FGD5: variants seen among roughly 807,000 people sequenced by gnomAD.
FGD5 encodes FYVE, RhoGEF and PH domain-containing protein 5.
Under a neutral mutation model 133.4 loss-of-function variants are expected in FGD5, and 28 were observed. That is an observed-to-expected ratio of 0.21 (90% CI 0.16 to 0.29). The LOEUF (loss-of-function observed/expected upper bound fraction) is 0.29. Ranked by LOEUF, FGD5 falls within the 10% of genes least tolerant of loss-of-function variation. The pLI is 1.00. For synonymous variants in FGD5, 810 were observed against 776.5 expected (o/e 1.04, Z -0.72); for missense variants, 1,858 against 1,895.2 (o/e 0.98, Z 0.36).
chr3:14,901,386 C>A (rs1203955421), intron 9 of FGD5, among the ~76,000 whole-genome samples: 1 of 152,248 alleles, frequency 6.6e-6, no homozygotes, highest in East Asian at 1.9e-4. Flanking sequence ...GTCAGAGCTT[C>A]TGCATGTAGG....
chr3:14,921,842 A>G, intron 13 of FGD5, 76 bp from the exon 14 acceptor site: 1 of 1,386,940 alleles, frequency 7.2e-7, no homozygotes, highest in Non-Finnish European at 1.0e-6. Flanking sequence ...TCTGAGTGAG[A>G]ACCTCATCCA....
intron 11 of FGD5, among the ~76,000 whole-genome samples, chr3:14,915,483 A>G (rs934519871): frequency 1.8e-4 from 28 of 152,334 alleles, no homozygotes; most frequent in African/African-American, 6.7e-4. Context: ...CACTGGTGCC[A>G]TGTGTCCAGG....
intron 4 of FGD5, among the ~76,000 whole-genome samples, 187 bp downstream of exon 4, chr3:14,880,959 G>T (rs979351856): frequency 6.6e-6 from 1 of 152,204 alleles, no homozygotes; most frequent in Non-Finnish European, 1.5e-5. Context: ...GGCAGACAGC[G>T]GATGCGTCTC....
chr3:14,833,800 A>T (rs1477451074), intron 1 of FGD5, among the ~76,000 whole-genome samples: 1 of 152,114 alleles, frequency 6.6e-6, no homozygotes, highest in Non-Finnish European at 1.5e-5. Flanking sequence ...CTTCATCCAG[A>T]TCCTCTGAAA....
intron 1 of FGD5, among the ~76,000 whole-genome samples, chr3:14,830,052 G>T (rs2036677004): frequency 6.6e-6 from 1 of 152,216 alleles, no homozygotes; most frequent in Admixed American, 6.5e-5. Context: ...TTCCATTGGT[G>T]CTGAGAGCCG....
chr3:14,874,135 C>T lies in FGD5; in HGVS notation c.2659-6437C>T, dbSNP rs77490239. ...AGGAAGGGAATTCTGCCATTTGCAA[C>T]GATGTGAATGAACTTGGAGGGCTTG... On this transcript the variant is annotated intron_variant, in intron 2 of 19. Transcript: ENST00000285046. Among the ~76,000 whole-genome samples, 218 of 152,296 alleles carry T rather than the reference C, an allele frequency of 1.4e-3. 2 individuals carry two copies. In the East Asian group the frequency reaches 0.039, roughly 27 times the overall value.
chr3:14,900,355 G>A (rs1455541497), intron 7 of FGD5, 48 bp from the exon 8 acceptor site: 1 of 1,598,098 alleles, frequency 6.3e-7, no homozygotes, highest in Non-Finnish European at 8.5e-7. Context: ...TGGGCAGGAG[G>A]GGCTGACCTC....
At chr3:14,876,217 A>C (rs959138938) in intron 2 of FGD5, among the ~76,000 whole-genome samples, 48 of 152,134 alleles carry the variant, frequency 3.2e-4, no homozygotes, top group African/African-American at 1.1e-3. Context: ...TGTAATAATA[A>C]AGCGATGCTA....
At chr3:14,926,717 G>A (rs2038811605) in intron 18 of FGD5, among the ~76,000 whole-genome samples, 1 of 152,216 alleles carries the variant, frequency 6.6e-6, no homozygotes, top group South Asian at 2.1e-4. Context: ...TACTTCCAGA[G>A]TAGACAGATG....
intron 4 of FGD5, among the ~76,000 whole-genome samples, chr3:14,893,522 A>C (rs1373577067): frequency 1.3e-5 from 2 of 151,924 alleles, no homozygotes; most frequent in African/African-American, 2.4e-5. Context: ...AACCTTTTAA[A>C]TTTTTTGTAA....
intron 1 of FGD5, among the ~76,000 whole-genome samples, chr3:14,832,131 G>A (rs554483778): frequency 6.6e-6 from 1 of 152,282 alleles, no homozygotes; most frequent in African/African-American, 2.4e-5. Flanking sequence ...AAGTGGTGGC[G>A]ACGGTCTCTT....
chr3:14,818,418 C>G (rs964095934), upstream of FGD5, among the ~76,000 whole-genome samples: 1 of 152,226 alleles, frequency 6.6e-6, no homozygotes, highest in African/African-American at 2.4e-5. Flanking sequence ...GCTCTACCCT[C>G]CAGTTGTTGT....
chr3:14,896,484 T>TAA (rs2038141189), intron 4 of FGD5, among the ~76,000 whole-genome samples: 28 of 151,144 alleles, frequency 1.9e-4, no homozygotes, highest in Middle Eastern at 3.4e-3. Flanking sequence ...TTTTTTTTTT[T>TAA]TTTGAGACGG....
chr3:14,855,281 G>T (rs1378506272), intron 1 of FGD5, among the ~76,000 whole-genome samples: 1 of 152,156 alleles, frequency 6.6e-6, no homozygotes, highest in Non-Finnish European at 1.5e-5. Context: ...GGTTGATTCT[G>T]TATCTCAGCT....
rs547238267 is a variant in FGD5 at position 14,910,818 on chromosome 3, G to A, written c.3337-43G>A. The A allele has an allele frequency of 1.0e-4, 162 of 1,585,696 alleles. No homozygotes were observed. In the South Asian group the frequency reaches 1.4e-3, roughly 13 times the overall value. On this transcript the variant is annotated intron_variant, in intron 10 of 19. Transcript: ENST00000285046. ...CCCTGCACCCTTGTCTGGGATTCAG[G>A]GGGCATCAGCCTGACCGCCAAGTTC...
chr3:14,915,514 A>T (rs2125148911), intron 11 of FGD5, among the ~76,000 whole-genome samples: 1 of 151,792 alleles, frequency 6.6e-6, no homozygotes. Flanking sequence ...GTTTATGTTG[A>T]CACTATGTGT....
In FGD5 at chr3:14,820,617, G is replaced by T. The variant is rs367889386; in HGVS notation, c.1546G>T (p.Ala516Ser). 2.5e-6 allele frequency: 4 copies of T among 1,605,206 alleles called. No individual in the cohort carries two copies. The highest frequency in any genetic ancestry group is 4.5e-5 in the East Asian group (2 of 44,808). Residue 516 changes from alanine to serine, a missense_variant, in exon 1 of 20, where the codon GCA (alanine) becomes TCA (serine). Around this residue, in one of 3 missense-constraint regions of FGD5, gnomAD observed 1,824 missense variants for 1,848.9 expected, o/e 0.99. Transcript: ENST00000285046. Reference protein sequence around the residue: ...GSSAPGIGGAAEEVGKTLLSL... With the variant: ...GSSAPGIGGASEEVGKTLLSL... ...GTCAGCCCCTGGCATTGGAGGTGCC[G>T]CAGAGGAGGTGGGAAAGACGCTTTT...
intron 10 of FGD5, among the ~76,000 whole-genome samples, chr3:14,907,949 G>GT (rs1337912183): frequency 2.6e-5 from 4 of 152,146 alleles, no homozygotes; most frequent in Non-Finnish European, 4.4e-5. Context: ...TCAGCGCCAG[G>GT]TTTTTTCTGT....
At chr3:14,853,636 CTTTTTTTTTTTTTTTTTTTTT>C (rs34008934) in intron 1 of FGD5, among the ~76,000 whole-genome samples, 1 of 37,094 alleles carries the variant, frequency 2.7e-5, no homozygotes, top group African/African-American at 1.2e-4. Flanking sequence ...AAAAGCGTTC[CTTTTTTTTTTTTTTTTTTTTT>C]TTTTTTTTTT....
Sources: gnomAD v4.1 joint callset for allele counts (sites outside exome capture counted in the v4.1 genomes callset) on GRCh38, gnomAD v4.1.1 for gene constraint, gnomAD v4.1.1 regional missense constraint, MANE v1.5 for transcripts, NCBI Gene and HGNC (gene_info 2026-07-23, HGNC 2026-07-21) for gene names.